Variants in CPA6 observed in about 807,000 individuals in gnomAD.
The protein encoded by CPA6 is carboxypeptidase B.
A neutral mutation model predicts 63.3 loss-of-function variants in CPA6; 58 were observed. The ratio of observed to expected loss-of-function variants is 0.92; its 90% CI spans 0.74 to 1.14. The LOEUF (loss-of-function observed/expected upper bound fraction) is 1.14. Among genes scored for constraint, CPA6 ranks in the 50% most tolerant of loss-of-function variants. The pLI is 0.00. For synonymous variants in CPA6, 185 were observed against 179.0 expected (o/e 1.03, Z -0.27); for missense variants, 565 against 526.6 (o/e 1.07, Z -0.71).
At chr8:67,698,836 AAAGGC>A (rs1816961595) in intron 1 of CPA6, among the ~76,000 whole-genome samples, 1 of 152,210 alleles carries the variant, frequency 6.6e-6, no homozygotes, top group African/African-American at 2.4e-5. Context: ...ATTAACTGAG[AAAGGC>A]AAGAATGGTG....
At chr8:67,545,916 C>T (rs1419949829) in intron 2 of CPA6, among the ~76,000 whole-genome samples, 1 of 152,052 alleles carries the variant, frequency 6.6e-6, no homozygotes, top group African/African-American at 2.4e-5. Flanking sequence ...TGTCATCCAT[C>T]GAGTAGAAGA....
chr8:67,510,392 A>C (rs1169769416), intron 4 of CPA6, among the ~76,000 whole-genome samples: 3 of 146,588 alleles, frequency 2.0e-5, no homozygotes, highest in Non-Finnish European at 4.5e-5. Context: ...TATTTAATCT[A>C]ATGAGCAGGA....
intron 1 of CPA6, among the ~76,000 whole-genome samples, chr8:67,647,262 CA>C (rs1360126496): frequency 6.6e-6 from 1 of 151,856 alleles, no homozygotes; most frequent in African/African-American, 2.4e-5. Flanking sequence ...CCAGGTTTGA[CA>C]GCAAATATCA....
chr8:67,681,124 C>A (rs1055949933), intron 1 of CPA6, among the ~76,000 whole-genome samples: 2 of 151,392 alleles, frequency 1.3e-5, no homozygotes, highest in African/African-American at 4.9e-5. Flanking sequence ...ATTTATCTTC[C>A]CTTTTTCCTT....
Position 67,607,166 on chromosome 8 carries a change from T to C in CPA6, c.192+17010A>G, listed in dbSNP as rs1240382082. Among the ~76,000 whole-genome samples, 28 of 62,716 alleles carry C rather than the reference T, an allele frequency of 4.5e-4. 3 individuals carry two copies. The highest frequency in any genetic ancestry group is 1.7e-3 in the African/African-American group (23 of 13,518). The allele number at this position is 62,716 out of a possible 152,430, so 41.1% of individuals were successfully genotyped here. Reference sequence around the variant, plus strand: ...CCTCCCCCCCCTCCTCTTCTTCTTCTTCCTCTTCTTCTTCTTCTTCTTCTT... The same window carrying C: ...CCTCCCCCCCCTCCTCTTCTTCTTCCTCCTCTTCTTCTTCTTCTTCTTCTT... On this transcript the variant is annotated intron_variant, in intron 2 of 10. Coordinates refer to ENST00000297770, the MANE Select transcript of CPA6 (RefSeq NM_020361.5).
intron 1 of CPA6, among the ~76,000 whole-genome samples, chr8:67,679,212 T>A (rs145909792): frequency 1.9e-4 from 29 of 152,328 alleles, no homozygotes; most frequent in African/African-American, 7.0e-4. Context: ...CATAAAAAGT[T>A]GACATTACAA....
intron 8 of CPA6, among the ~76,000 whole-genome samples, chr8:67,471,955 T>G (rs1440719633): frequency 6.6e-6 from 1 of 152,074 alleles, no homozygotes; most frequent in African/African-American, 2.4e-5. Flanking sequence ...AGGCATGAAA[T>G]TTACGAAAAT....
chr8:67,539,828 G>A (rs990791445), intron 2 of CPA6, among the ~76,000 whole-genome samples: 4 of 152,068 alleles, frequency 2.6e-5, no homozygotes, highest in Admixed American at 2.6e-4. Flanking sequence ...AAGTTCTTGT[G>A]CTGTGTTTTT....
At chr8:67,740,271 C>T (rs1817887806) in intron 1 of CPA6, among the ~76,000 whole-genome samples, 1 of 152,128 alleles carries the variant, frequency 6.6e-6, no homozygotes, top group African/African-American at 2.4e-5. Context: ...GCCTTAACTA[C>T]CAGTGCAGAA....
rs1563976201 is a variant in CPA6 at position 67,496,554 on chromosome 8, TA to T, written c.636+10232del. 6.7e-4 allele frequency among the ~76,000 whole-genome samples: 91 copies of T among 135,150 alleles called. 1 individual carries two copies. Among genetic ancestry groups the T allele is most frequent in the Admixed American group, 3.8e-3 (50 of 13,300 alleles). 88.7% of individuals were successfully genotyped at this position (135,150 alleles called of 152,430 possible). ...ATATATATATATATATATATATATA[TA>T]TATTTATTTTATTTTTTTTTTTTGA... is the stretch of plus-strand genomic sequence containing the variant. On this transcript the variant is annotated intron_variant, in intron 6 of 10. Transcript: ENST00000297770.
chr8:67,650,879 G>C (rs1815821601), intron 1 of CPA6, among the ~76,000 whole-genome samples: 2 of 152,138 alleles, frequency 1.3e-5, no homozygotes, highest in African/African-American at 4.8e-5. Context: ...GCAGGAGTGG[G>C]AGTAGGGAAT....
chr8:67,472,847 T>A (rs1235644621), intron 8 of CPA6, among the ~76,000 whole-genome samples: 1 of 152,226 alleles, frequency 6.6e-6, no homozygotes, highest in Non-Finnish European at 1.5e-5. Context: ...CAAATGCAAA[T>A]TCTTACACAT....
intron 8 of CPA6, among the ~76,000 whole-genome samples, chr8:67,440,534 G>C (rs556513560): frequency 1.3e-5 from 2 of 152,036 alleles, no homozygotes. Flanking sequence ...TCGTGCCACT[G>C]TACTCCAGCC....
intron 1 of CPA6, among the ~76,000 whole-genome samples, chr8:67,639,147 GT>G (rs1815533104): frequency 6.6e-6 from 1 of 151,584 alleles, no homozygotes. Flanking sequence ...GGGTTGGAAA[GT>G]TTTTCTGTAA....
At position 67,746,174 on chromosome 8, in the gene CPA6, G is replaced by A. The variant is rs767794744; in HGVS notation, c.-45C>T. 9.5e-6 allele frequency: 14 copies of A among 1,471,254 alleles called. No homozygotes were observed. In the East Asian group the frequency reaches 1.1e-4, roughly 12 times the overall value. 91.1% of individuals were successfully genotyped at this position (1,471,254 alleles called of 1,614,324 possible). On this transcript the variant is annotated 5_prime_UTR_variant, in exon 1 of 11. Coordinates refer to ENST00000297770, the MANE Select transcript of CPA6 (RefSeq NM_020361.5). ...TTGAAAGTTACTTAAGCAGCCACCCGAGGCTGGAGGTGGCTCACAGCACCC... is the reference window on the plus strand; with the variant it reads ...TTGAAAGTTACTTAAGCAGCCACCCAAGGCTGGAGGTGGCTCACAGCACCC...
chr8:67,425,541 A>AC (rs1809864035), intron 10 of CPA6, among the ~76,000 whole-genome samples: 1 of 151,936 alleles, frequency 6.6e-6, no homozygotes, highest in Non-Finnish European at 1.5e-5. Flanking sequence ...TGCCCAGCTA[A>AC]TTTTTTGTAT....
chr8:67,601,657 A>G (rs1211067906), intron 2 of CPA6, among the ~76,000 whole-genome samples: 1 of 152,190 alleles, frequency 6.6e-6, no homozygotes, highest in Non-Finnish European at 1.5e-5. Flanking sequence ...TACATCACAT[A>G]TCTTTTTCAA....
chr8:67,746,211 C>G lies in CPA6; in HGVS notation c.-82G>C. 1.1e-6 allele frequency: 1 copy of G among 901,314 alleles called. No individual in the cohort carries two copies. The highest frequency in any genetic ancestry group is 1.7e-6 in the Non-Finnish European group (1 of 596,754). The allele number at this position is 901,314 out of a possible 1,614,324, so 55.8% of individuals were successfully genotyped here. On this transcript the variant is annotated 5_prime_UTR_variant, in exon 1 of 11. Coordinates refer to ENST00000297770, the MANE Select transcript of CPA6 (RefSeq NM_020361.5). ...GGCTCACAGCACCCTCTACACACCG[C>G]ACAGGTTCTCCGGGAAGGGGGTGGG...
At chr8:67,649,371 T>A (rs1312987335) in intron 1 of CPA6, among the ~76,000 whole-genome samples, 1 of 152,206 alleles carries the variant, frequency 6.6e-6, no homozygotes, top group Non-Finnish European at 1.5e-5. Context: ...TGTTTGATGT[T>A]TTTACTTTAA....
Sources: allele counts gnomAD v4.1 joint callset (sites outside exome capture counted in the v4.1 genomes callset), GRCh38; gene constraint gnomAD v4.1.1; transcripts MANE v1.5; gene names NCBI Gene and HGNC (gene_info 2026-07-23, HGNC 2026-07-21).